RGS7BP: variants seen among roughly 807,000 people sequenced by gnomAD.
RGS7BP encodes regulator of G protein signaling 7-binding protein.
Under a neutral mutation model 31.3 loss-of-function variants are expected in RGS7BP, and 9 were observed. The observed-to-expected ratio is 0.29, with a 90% CI of 0.17 to 0.50. RGS7BP has a LOEUF of 0.50. RGS7BP is among the 20% of genes least tolerant of loss of function. The pLI is 0.98. For synonymous variants in RGS7BP, 115 were observed against 120.1 expected, an observed-to-expected ratio of 0.96 and a Z score of 0.28; for missense variants, 274 against 322.0, an observed-to-expected ratio of 0.85 and a Z score of 1.14.
intron 3 of RGS7BP, among the ~76,000 whole-genome samples, chr5:64,581,925 C>T (rs879782853): frequency 2.6e-5 from 4 of 152,048 alleles, no homozygotes; most frequent in African/African-American, 4.8e-5. Context: ...AGTACAGTAA[C>T]GTGAGGTAAA....
At chr5:64,594,421 T>C (rs1411542006) in intron 3 of RGS7BP, among the ~76,000 whole-genome samples, 1 of 152,296 alleles carries the variant, frequency 6.6e-6, no homozygotes, top group South Asian at 2.1e-4. Context: ...GAATGGGTTA[T>C]AAAACACCAA....
At chr5:64,551,268 T>A (rs866782420) in intron 2 of RGS7BP, among the ~76,000 whole-genome samples, 6 of 144,062 alleles carry the variant, frequency 4.2e-5, no homozygotes, top group Admixed American at 1.4e-4. Context: ...TTTTATTTTA[T>A]TTTTTTTTTT....
chr5:64,506,527 G>C lies in RGS7BP; in HGVS notation c.-98G>C. 8.9e-7 allele frequency: 1 copy of C among 1,121,112 alleles called. No homozygotes were observed. Among genetic ancestry groups the C allele is most frequent in the Non-Finnish European group, 1.3e-6 (1 of 791,424 alleles). The allele number at this position is 1,121,112 out of a possible 1,614,324, so 69.4% of individuals were successfully genotyped here. A position where few individuals can be genotyped will look rare whatever the true frequency, so the allele number is the denominator to read the frequency against. ...ACTGTGAGCTGCGCGCCTCAGGTCC[G>C]GGCTCCGGCTGCTTGGCGGCGGCGC... On this transcript the variant is annotated 5_prime_UTR_variant, in exon 1 of 6. Coordinates refer to ENST00000334025, the MANE Select transcript of RGS7BP (RefSeq NM_001029875.3). This position sits in a 1 kb window ranked among gnomAD's most constrained non-coding sequence, Gnocchi z 4.6.
At chr5:64,566,087 A>G (rs1424503945) in intron 2 of RGS7BP, among the ~76,000 whole-genome samples, 1 of 152,028 alleles carries the variant, frequency 6.6e-6, no homozygotes, top group East Asian at 1.9e-4. Flanking sequence ...AATTCATCAT[A>G]TCAACTAAAG....
rs577715194 is a variant in RGS7BP at position 64,507,766 on chromosome 5, T to C, written c.221T>C (p.Ile74Thr). 12 of 1,613,690 alleles carry C rather than the reference T, an allele frequency of 7.4e-6. No homozygotes were observed. Among genetic ancestry groups the C allele is most frequent in the African/African-American group, 2.7e-5 (2 of 74,926 alleles). The change falls in exon 2 of 6, where the codon ATT becomes ACT. Residue 74 changes from isoleucine (I) to threonine (T), a missense_variant. Physicochemically the swap from Ile to Thr is moderately conservative, Grantham distance 89. This residue lies in a region of RGS7BP where 149 missense variants were observed against 152.6 expected (regional missense o/e 0.98). Transcript: ENST00000334025. ...CTGTACCGAGAGCTGGTCATTTCTATTGGGGATGTCTCGGTCAGCTGCCCC... is the reference window on the plus strand; with the variant it reads ...CTGTACCGAGAGCTGGTCATTTCTACTGGGGATGTCTCGGTCAGCTGCCCC... ...VALYRELVIS[I>T]GDVSVSCPSL...
At chr5:64,528,467 CAT>C (rs1382460142) in intron 2 of RGS7BP, among the ~76,000 whole-genome samples, 2 of 152,132 alleles carry the variant, frequency 1.3e-5, no homozygotes, top group Non-Finnish European at 2.9e-5. Context: ...ACTTAACAAA[CAT>C]GTGACTTCAG....
At chr5:64,521,892 AATGG>A (rs1171300429) in intron 2 of RGS7BP, among the ~76,000 whole-genome samples, 2 of 152,244 alleles carry the variant, frequency 1.3e-5, no homozygotes, top group African/African-American at 4.8e-5. Context: ...GGTGGGAAGA[AATGG>A]ATACATTCCT....
intron 2 of RGS7BP, among the ~76,000 whole-genome samples, chr5:64,521,546 C>T (rs997698420): frequency 3.7e-4 from 56 of 152,306 alleles, no homozygotes; most frequent in East Asian, 1.4e-3. Context: ...CATGAGCCAC[C>T]GCGCCTGGCC....
chr5:64,581,438 T>C (rs1053248570), intron 3 of RGS7BP, among the ~76,000 whole-genome samples: 15 of 152,182 alleles, frequency 9.9e-5, no homozygotes, highest in Admixed American at 7.9e-4. Context: ...TATCTATACA[T>C]TTAATTTGTT....
rs545901357 is a variant in RGS7BP, at chr5:64,557,651, A to G, written c.333-18123A>G. On this transcript the variant is annotated intron_variant, in intron 2 of 5. Coordinates refer to ENST00000334025, the MANE Select transcript of RGS7BP (RefSeq NM_001029875.3). ...ACTTTGTGTATCCCCTGCCTTTCCC[A>G]GTTGCTTTTAAATGAACACCACTGT... Among the ~76,000 whole-genome samples, 4 of 152,218 alleles carry G rather than the reference A, an allele frequency of 2.6e-5. No homozygotes were observed. In the South Asian group the frequency reaches 8.3e-4, roughly 32 times the overall value.
intron 2 of RGS7BP, among the ~76,000 whole-genome samples, chr5:64,550,826 C>T (rs1208623034): frequency 4.1e-5 from 6 of 147,976 alleles, no homozygotes; most frequent in African/African-American, 7.5e-5. Flanking sequence ...TGAGAACATG[C>T]GGTGTTTGGT....
intron 3 of RGS7BP, among the ~76,000 whole-genome samples, chr5:64,593,662 G>A (rs1561347614): frequency 6.6e-6 from 1 of 152,040 alleles, no homozygotes; most frequent in Non-Finnish European, 1.5e-5. Context: ...TGTTTTTATT[G>A]TTTAACTCCA....
chr5:64,557,399 A>G (rs937885757), intron 2 of RGS7BP, among the ~76,000 whole-genome samples: 2 of 152,042 alleles, frequency 1.3e-5, no homozygotes, highest in African/African-American at 2.4e-5. Context: ...CCCACTCTCT[A>G]ATGAACGATG....
intron 3 of RGS7BP, among the ~76,000 whole-genome samples, chr5:64,577,209 C>T (rs1296554577): frequency 2.6e-5 from 4 of 152,082 alleles, no homozygotes; most frequent in South Asian, 2.1e-4. Context: ...GAGGCTGAGG[C>T]GGGCAGATCA....
At chr5:64,581,937 T>C (rs1742610870) in intron 3 of RGS7BP, among the ~76,000 whole-genome samples, 1 of 152,188 alleles carries the variant, frequency 6.6e-6, no homozygotes, top group Non-Finnish European at 1.5e-5. Flanking sequence ...TGAGGTAAAA[T>C]CTACATATAA....
At chr5:64,587,719 T>C (rs1434068005) in intron 3 of RGS7BP, among the ~76,000 whole-genome samples, 3 of 152,160 alleles carry the variant, frequency 2.0e-5, no homozygotes, top group African/African-American at 7.2e-5. Context: ...TTTTCCAGAC[T>C]AAATTGCTCA....
chr5:64,586,712 TC>T (rs1177118734), intron 3 of RGS7BP, among the ~76,000 whole-genome samples: 2 of 152,206 alleles, frequency 1.3e-5, no homozygotes, highest in African/African-American at 4.8e-5. Flanking sequence ...GCAGAGTGCC[TC>T]AGGCAGAGTA....
chr5:64,524,747 G>A (rs1017841636), intron 2 of RGS7BP, among the ~76,000 whole-genome samples: 1 of 152,070 alleles, frequency 6.6e-6, no homozygotes, highest in Non-Finnish European at 1.5e-5. Context: ...GCAACCACAG[G>A]CATCGCACGG....
intron 2 of RGS7BP, among the ~76,000 whole-genome samples, chr5:64,547,132 T>C (rs1236076594): frequency 1.3e-5 from 2 of 152,258 alleles, no homozygotes; most frequent in Non-Finnish European, 2.9e-5. Flanking sequence ...TTATCCATTT[T>C]TCTATTGAAT....
Sources: gnomAD v4.1 joint callset for allele counts (sites outside exome capture counted in the v4.1 genomes callset) on GRCh38, gnomAD v4.1.1 for gene constraint, gnomAD v4.1.1 regional missense constraint, Gnocchi (gnomAD v3.1) non-coding constraint, MANE v1.5 for transcripts, NCBI Gene and HGNC (gene_info 2026-07-23, HGNC 2026-07-21) for gene names.